KBTBD3: variants seen among roughly 807,000 people sequenced by gnomAD.
KBTBD3 encodes the protein kelch repeat and BTB domain containing 3.
Under a neutral mutation model 49.6 loss-of-function variants are expected in KBTBD3, and 38 were observed. That is an observed-to-expected ratio of 0.77 (90% CI 0.59 to 1.00). The LOEUF is 1.00. Ranked by LOEUF, KBTBD3 falls within the 50% of genes least tolerant of loss-of-function variation. The pLI, the probability that KBTBD3 is intolerant of heterozygous loss-of-function variation, is 0.00. For synonymous variants in KBTBD3, 214 were observed against 250.4 expected (o/e 0.85, Z 1.37); for missense variants, 661 against 712.0 (o/e 0.93, Z 0.81).
At chr11:106,069,690 A>G (rs766999522) in intron 2 of KBTBD3, among the ~76,000 whole-genome samples, 1 of 152,036 alleles carries the variant, frequency 6.6e-6, no homozygotes, top group Non-Finnish European at 1.5e-5. Flanking sequence ...AATTTCCTCC[A>G]AACTGATATA....
In KBTBD3 at chr11:106,053,687, T is replaced by G. The variant is rs1319996060; in HGVS notation, c.1002A>C (p.Gly334=). Residue 334 remains glycine, a synonymous_variant, in exon 4 of 4, where the codon GGA becomes GGC. Coordinates refer to ENST00000531837, the MANE Select transcript of KBTBD3 (RefSeq NM_198439.3). ...TCTCTCCGTAACTCGAAAGACTAGA[T>G]CCTGGCAAATCAATCAGGTGTGATT... ...LPQSHLIDLP[G]SSLSSYGEKI... The G allele has an allele frequency of 6.2e-7, 1 of 1,613,666 alleles. No homozygotes were observed. The highest frequency in any genetic ancestry group is 1.3e-5 in the African/African-American group (1 of 74,928).
rs1466437887 is a variant in KBTBD3 at position 106,058,970 on chromosome 11, T to C, written c.128A>G (p.Gln43Arg). Reference sequence around the variant, plus strand: ...AAAGACATTTTGTTCTCTAAAATTCTGTAGTACACTTAAGATTTTTTGTCC... The same window carrying C: ...AAAGACATTTTGTTCTCTAAAATTCCGTAGTACACTTAAGATTTTTTGTCC... ...DHGQKILSVL[Q>R]NFREQNVFYD... is the part of the protein sequence containing the mutation. Residue 43 changes from glutamine to arginine, a missense_variant, in exon 3 of 4, where the codon CAG becomes CGG. Coordinates refer to ENST00000531837, the MANE Select transcript of KBTBD3 (RefSeq NM_198439.3). The C allele has an allele frequency of 1.3e-6, 2 of 1,558,698 alleles. No individual in the cohort carries two copies. The highest frequency in any genetic ancestry group is 8.6e-7 in the Non-Finnish European group (1 of 1,161,024).
chr11:106,058,558 G>A (rs1386259840), intron 3 of KBTBD3, among the ~76,000 whole-genome samples: 2 of 151,720 alleles, frequency 1.3e-5, no homozygotes, highest in Admixed American at 1.3e-4. Context: ...TGTATAGCTG[G>A]GATTACAGGC....
intron 2 of KBTBD3, among the ~76,000 whole-genome samples, chr11:106,067,128 TA>T (rs1301037475): frequency 6.6e-6 from 1 of 152,096 alleles, no homozygotes; most frequent in African/African-American, 2.4e-5. Context: ...ACAAAAGTTT[TA>T]AGGAAATAAC....
intron 2 of KBTBD3, among the ~76,000 whole-genome samples, chr11:106,065,427 A>T (rs1860790056): frequency 6.6e-6 from 1 of 152,236 alleles, no homozygotes; most frequent in East Asian, 1.9e-4. Flanking sequence ...GAATGACACA[A>T]AGTGAGCAAG....
intron 2 of KBTBD3, among the ~76,000 whole-genome samples, chr11:106,061,524 T>C (rs1470765441): frequency 6.6e-6 from 1 of 152,102 alleles, no homozygotes; most frequent in Non-Finnish European, 1.5e-5. Flanking sequence ...AGATTAACAT[T>C]TGAATTGGTA....
Position 106,052,756 on chromosome 11 carries a change from G to A in KBTBD3, c.*94C>T. ...ATACATAATAACTAAAAGCAGGAAT[G>A]TTTTATTTCATTAAGATGTATAGAT... On this transcript the variant is annotated 3_prime_UTR_variant, in exon 4 of 4. Coordinates refer to ENST00000531837, the MANE Select transcript of KBTBD3 (RefSeq NM_198439.3). The A allele has an allele frequency of 1.0e-6, 1 of 984,760 alleles. No individual in the cohort carries two copies. Among genetic ancestry groups the A allele is most frequent in the Non-Finnish European group, 1.5e-6 (1 of 660,914 alleles). 61.0% of individuals were successfully genotyped at this position (984,760 alleles called of 1,614,324 possible). A position where few individuals can be genotyped will look rare whatever the true frequency, so the allele number is the denominator to read the frequency against.
At chr11:106,075,163 G>C (rs1423588538) in intron 2 of KBTBD3, among the ~76,000 whole-genome samples, 4 of 152,188 alleles carry the variant, frequency 2.6e-5, no homozygotes, top group Non-Finnish European at 2.9e-5. Flanking sequence ...TCAGCACCAA[G>C]CAAGATGATC....
intron 2 of KBTBD3, chr11:106,076,210 A>G (rs1173363530): frequency 6.6e-6 from 1 of 152,176 alleles, no homozygotes; most frequent in African/African-American, 2.4e-5. Flanking sequence ...TATGCGTATG[A>G]TTTATTTGCC....
In KBTBD3 at chr11:106,051,426, C is replaced by T. The variant is rs1371999844; in HGVS notation, c.*1424G>A. 6.6e-6 allele frequency: 1 copy of T among 151,794 alleles called. No homozygotes were observed. Among genetic ancestry groups the T allele is most frequent in the Non-Finnish European group, 1.5e-5 (1 of 67,834 alleles). 9.4% of individuals were successfully genotyped at this position (151,794 alleles called of 1,614,324 possible). ...TTTGAAAAATACATTTGGAACTTAT[C>T]GTTGCATAAATTTATATGATAAAAT... On this transcript the variant is annotated 3_prime_UTR_variant, in exon 4 of 4. Transcript: ENST00000531837.
At chr11:106,074,922 A>G (rs1431742911) in intron 2 of KBTBD3, among the ~76,000 whole-genome samples, 1 of 152,244 alleles carries the variant, frequency 6.6e-6, no homozygotes, top group Non-Finnish European at 1.5e-5. Context: ...GGGGGAAAAA[A>G]GAAGGGTTTG....
chr11:106,070,182 C>T (rs1045446160), intron 2 of KBTBD3, among the ~76,000 whole-genome samples: 24 of 151,804 alleles, frequency 1.6e-4, no homozygotes, highest in Non-Finnish European at 2.9e-5. Context: ...ATCCTTGCAA[C>T]CAGGGTCTCA....
chr11:106,054,930 C>T (rs1860521205), intron 3 of KBTBD3, among the ~76,000 whole-genome samples: 1 of 151,964 alleles, frequency 6.6e-6, no homozygotes, highest in African/African-American at 2.4e-5. Context: ...AGTAAGATAC[C>T]TGATGTCTCC....
At chr11:106,067,308 A>G (rs1217455575) in intron 2 of KBTBD3, among the ~76,000 whole-genome samples, 4 of 152,194 alleles carry the variant, frequency 2.6e-5, no homozygotes, top group Non-Finnish European at 5.9e-5. Context: ...AATAATCACT[A>G]AAACATCTAT....
intron 2 of KBTBD3, among the ~76,000 whole-genome samples, chr11:106,072,825 T>G (rs527932797): frequency 6.6e-6 from 1 of 152,296 alleles, no homozygotes; most frequent in South Asian, 2.1e-4. Flanking sequence ...ATGCTAAGTA[T>G]ATGACAAGCA....
rs543757571 is a variant in KBTBD3, at chr11:106,074,190, T to C, written c.-13+2317A>G. Among the ~76,000 whole-genome samples, 121 of 150,512 alleles carry C rather than the reference T, an allele frequency of 8.0e-4. 1 individual carries two copies. Among genetic ancestry groups the C allele is most frequent in the African/African-American group, 2.9e-3 (117 of 41,016 alleles). Reference sequence around the variant, plus strand: ...CCCTACTAGACATTTTCCATTAGCATGCAAATTCTAGTATCTTCCATCTTT... The same window carrying C: ...CCCTACTAGACATTTTCCATTAGCACGCAAATTCTAGTATCTTCCATCTTT... On this transcript the variant is annotated intron_variant, in intron 2 of 3. Coordinates refer to ENST00000531837, the MANE Select transcript of KBTBD3 (RefSeq NM_198439.3).
chr11:106,061,374 T>G (rs558478764), intron 2 of KBTBD3, among the ~76,000 whole-genome samples: 1 of 152,308 alleles, frequency 6.6e-6, no homozygotes, highest in African/African-American at 2.4e-5. Context: ...AACTAAAAAT[T>G]CAGGTCCCTC....
intron 2 of KBTBD3, among the ~76,000 whole-genome samples, chr11:106,064,571 T>C (rs965867055): frequency 5.5e-5 from 2 of 36,486 alleles, no homozygotes; most frequent in East Asian, 2.1e-3. Flanking sequence ...ATAAAAGGAA[T>C]AGCCAGGAAG....
At position 106,052,458 on chromosome 11, in the gene KBTBD3, A is replaced by G. The variant is rs1591531727; in HGVS notation, c.*392T>C. On this transcript the variant is annotated 3_prime_UTR_variant, in exon 4 of 4. Transcript: ENST00000531837. ...TCAACAACTCATACCCGCAGTAACAATATTCTCACCTCTGATTTATTTTTT... is the reference window on the plus strand; with the variant it reads ...TCAACAACTCATACCCGCAGTAACAGTATTCTCACCTCTGATTTATTTTTT... 6.3e-6 allele frequency: 1 copy of G among 157,854 alleles called. No homozygotes were observed. Among genetic ancestry groups the G allele is most frequent in the South Asian group, 1.9e-4 (1 of 5,200 alleles). The allele number at this position is 157,854 out of a possible 1,614,324, so 9.8% of individuals were successfully genotyped here.
Sources: gnomAD v4.1 joint callset for allele counts (sites outside exome capture counted in the v4.1 genomes callset) on GRCh38, gnomAD v4.1.1 for gene constraint, MANE v1.5 for transcripts, NCBI Gene and HGNC (gene_info 2026-07-23, HGNC 2026-07-21) for gene names.